Variants in ARHGAP32 observed in about 807,000 individuals in gnomAD.
The protein encoded by ARHGAP32 is rho GTPase-activating protein 32.
In ARHGAP32, 51 loss-of-function variants were observed where a neutral mutation model predicts 186.5. That is an observed-to-expected ratio of 0.27 (90% confidence interval 0.22 to 0.35). ARHGAP32 has a LOEUF of 0.35. Among genes scored for constraint, ARHGAP32 ranks in the 10% least tolerant of loss-of-function variants. The pLI, the probability that ARHGAP32 is intolerant of heterozygous loss-of-function variation, is 1.00. For missense variants in ARHGAP32, 2,186 were observed against 2,623.5 expected, an observed-to-expected ratio of 0.83 and a Z score of 3.64; for synonymous variants, 950 against 964.3, an observed-to-expected ratio of 0.99 and a Z score of 0.27.
chr11:129,203,771 G>A (rs1944484988), intron 1 of ARHGAP32, among the ~76,000 whole-genome samples: 1 of 149,176 alleles, frequency 6.7e-6, no homozygotes, highest in South Asian at 2.1e-4. Flanking sequence ...GCATGGTGGT[G>A]CACGCCTGTA....
In ARHGAP32 at chr11:129,037,868, C is replaced by A. The variant is rs622464; in HGVS notation, c.1045+3060G>T. Among the ~76,000 whole-genome samples the A allele has an allele frequency of 1.2e-3, 185 of 151,538 alleles. 7 individuals carry two copies. Among genetic ancestry groups the A allele is most frequent in the African/African-American group, 4.4e-3 (181 of 41,086 alleles). ...CTGTAATCCCAGCACTTTGGGAGGC[C>A]GAGGTGGGCGGATCACGATGTCAGG... On this transcript the variant is annotated intron_variant, in intron 11 of 22. Coordinates refer to ENST00000682385, the MANE Select transcript of ARHGAP32 (RefSeq NM_001378024.1).
Position 128,973,411 on chromosome 11 carries a change from G to C in ARHGAP32, c.3095C>G (p.Pro1032Arg). 6.2e-7 allele frequency: 1 copy of C among 1,613,532 alleles called. No individual in the cohort carries two copies. Among genetic ancestry groups the C allele is most frequent in the Non-Finnish European group, 8.5e-7 (1 of 1,179,636 alleles). ...TQTGAVTHDP[P>R]QDSVPVSSVS... ...TGAACTGACAGGAACGGAATCCTGA[G>C]GGGGGTCATGGGTAACTGCTCCTAG... The change falls in exon 22 of 23, where the codon CCT (proline) becomes CGT (arginine). Residue 1032 changes from proline to arginine, a missense_variant. Physicochemically the swap from Pro to Arg is moderately radical, Grantham distance 103. Coordinates refer to ENST00000682385, the MANE Select transcript of ARHGAP32 (RefSeq NM_001378024.1).
chr11:129,266,779 C>T (rs938693876), intron 1 of ARHGAP32, among the ~76,000 whole-genome samples: 2 of 152,182 alleles, frequency 1.3e-5, no homozygotes, highest in Non-Finnish European at 2.9e-5. Context: ...GACCATGGGG[C>T]CAGCTATGCT....
At chr11:129,001,274 C>T (rs1946352520) in intron 11 of ARHGAP32, among the ~76,000 whole-genome samples, 1 of 152,124 alleles carries the variant, frequency 6.6e-6, no homozygotes, top group Non-Finnish European at 1.5e-5. Flanking sequence ...CTTTTCTCCA[C>T]ATTTGTTACT....
intron 5 of ARHGAP32, among the ~76,000 whole-genome samples, chr11:129,101,516 C>T (rs1941898538): frequency 6.6e-6 from 1 of 152,078 alleles, no homozygotes; most frequent in Admixed American, 6.6e-5. Context: ...TGTAACCAAC[C>T]TGATAGAGCT....
intron 10 of ARHGAP32, among the ~76,000 whole-genome samples, chr11:129,044,378 TA>T (rs1053776291): frequency 6.6e-6 from 1 of 152,196 alleles, no homozygotes; most frequent in Non-Finnish European, 1.5e-5. Flanking sequence ...TCTAAAGCTT[TA>T]ACCCATTTAT....
chr11:129,227,218 T>C (rs1180014804), intron 1 of ARHGAP32, among the ~76,000 whole-genome samples: 1 of 151,972 alleles, frequency 6.6e-6, no homozygotes, highest in Admixed American at 6.6e-5. Flanking sequence ...AAATTTTCAA[T>C]TGTTAATTAT....
intron 6 of ARHGAP32, among the ~76,000 whole-genome samples, 157 bp downstream of exon 6, chr11:129,093,464 A>T (rs1941638525): frequency 6.6e-6 from 1 of 152,128 alleles, no homozygotes; most frequent in Non-Finnish European, 1.5e-5. Context: ...TTATTTTCTT[A>T]CAATAGTCAT....
At chr11:129,248,409 G>A (rs375126801) in intron 1 of ARHGAP32, among the ~76,000 whole-genome samples, 60 of 151,862 alleles carry the variant, frequency 4.0e-4, no homozygotes, top group African/African-American at 7.0e-4. Context: ...CCGTTATTTC[G>A]ATTTAAAATT....
At chr11:129,092,300 T>C (rs910831019) in intron 6 of ARHGAP32, among the ~76,000 whole-genome samples, 4 of 151,938 alleles carry the variant, frequency 2.6e-5, no homozygotes, top group Admixed American at 1.3e-4. Context: ...TCGAAGCATA[T>C]GGAAATTAAC....
At chr11:129,051,626 T>G (rs902589195) in intron 10 of ARHGAP32, among the ~76,000 whole-genome samples, 1 of 152,202 alleles carries the variant, frequency 6.6e-6, no homozygotes, top group Non-Finnish European at 1.5e-5. Flanking sequence ...CTCCTATGTT[T>G]TCTTCTTGAA....
At chr11:129,079,008 A>C (rs1482898013) in intron 6 of ARHGAP32, among the ~76,000 whole-genome samples, 1 of 152,176 alleles carries the variant, frequency 6.6e-6, no homozygotes, top group East Asian at 1.9e-4. Flanking sequence ...AAGTAAAAGA[A>C]GGAACTTCAG....
In ARHGAP32 at chr11:129,248,215, A is replaced by AT. The variant is rs1195805354; in HGVS notation, c.-5+30930_-5+30931insA. Among the ~76,000 whole-genome samples, 17 of 146,568 alleles carry AT rather than the reference A, an allele frequency of 1.2e-4. 1 individual carries two copies. Among genetic ancestry groups the AT allele is most frequent in the African/African-American group, 4.1e-4 (16 of 38,986 alleles). On this transcript the variant is annotated intron_variant, in intron 1 of 6. Transcript: ENST00000525234. ...AGTCCCAGCTACTTGGCTGTCTCAAAAAAAAAAAAAAAAAAGGAAAGTGAA... is the reference window on the plus strand; with the variant it reads ...AGTCCCAGCTACTTGGCTGTCTCAAATAAAAAAAAAAAAAAAGGAAAGTGAA...
intron 5 of ARHGAP32, among the ~76,000 whole-genome samples, chr11:129,114,314 T>C (rs1419498890): frequency 1.3e-5 from 2 of 152,148 alleles, no homozygotes. Flanking sequence ...TTCTATTCAA[T>C]CTTCAATAAA....
intron 11 of ARHGAP32, among the ~76,000 whole-genome samples, chr11:129,007,495 T>G (rs1272375610): frequency 6.6e-6 from 1 of 151,924 alleles, no homozygotes; most frequent in African/African-American, 2.4e-5. Flanking sequence ...TGGCCCCAGG[T>G]GTATCTAGAA....
chr11:129,237,572 G>A (rs1216186912), intron 1 of ARHGAP32, among the ~76,000 whole-genome samples: 3 of 152,168 alleles, frequency 2.0e-5, no homozygotes, highest in African/African-American at 7.2e-5. Flanking sequence ...GTGGGGACAT[G>A]AACAGAGGCC....
intron 1 of ARHGAP32, among the ~76,000 whole-genome samples, chr11:129,252,192 T>C (rs528027548): frequency 1.3e-5 from 2 of 152,278 alleles, no homozygotes; most frequent in East Asian, 3.9e-4. Context: ...TTACACTAAT[T>C]GGTTTATTTC....
chr11:128,995,812 C>T (rs1004436595), intron 12 of ARHGAP32, among the ~76,000 whole-genome samples: 6 of 152,262 alleles, frequency 3.9e-5, no homozygotes, highest in African/African-American at 1.4e-4. Flanking sequence ...GCACTCCAGC[C>T]TGGATGACAG....
chr11:128,985,030 A>AT (rs1591500554), intron 15 of ARHGAP32, among the ~76,000 whole-genome samples: 1 of 151,382 alleles, frequency 6.6e-6, no homozygotes, highest in Admixed American at 6.6e-5. Context: ...CACAATTAGA[A>AT]TTTTTTTTTA....
Sources: allele counts gnomAD v4.1 joint callset (sites outside exome capture counted in the v4.1 genomes callset), GRCh38; gene constraint gnomAD v4.1.1; transcripts MANE v1.5; gene names NCBI Gene and HGNC (gene_info 2026-07-23, HGNC 2026-07-21).